Variants in GAN observed in about 807,000 individuals in gnomAD.
GAN encodes the protein epididymis secretory sperm binding protein.
A neutral mutation model predicts 71.3 loss-of-function variants in GAN; 48 were observed. The observed-to-expected ratio is 0.67, with a 90% CI of 0.53 to 0.86. The LOEUF is 0.86. Among genes scored for constraint, GAN ranks in the 40% least tolerant of loss-of-function variants. The pLI is 0.00. For missense variants in GAN, 928 were observed against 770.1 expected (o/e 1.21, Z -2.43); for synonymous variants, 386 against 276.8 (o/e 1.39, Z -3.92).
At chr16:81,337,136 G>C (rs1334140624) in intron 1 of GAN, among the ~76,000 whole-genome samples, 1 of 152,138 alleles carries the variant, frequency 6.6e-6, no homozygotes, top group Non-Finnish European at 1.5e-5. Context: ...CAAAAAAGCA[G>C]TTGGAGGGCA....
chr16:81,358,275 T>G (rs1055645851), intron 5 of GAN, among the ~76,000 whole-genome samples: 1 of 152,182 alleles, frequency 6.6e-6, no homozygotes, highest in African/African-American at 2.4e-5. Context: ...TAGTCCCATC[T>G]TTGAAATTCA....
chr16:81,317,902 A>C (rs1392818763), intron 1 of GAN, among the ~76,000 whole-genome samples: 2 of 152,168 alleles, frequency 1.3e-5, no homozygotes, highest in Non-Finnish European at 2.9e-5. Context: ...AACATGAATC[A>C]GTCAATATGT....
chr16:81,327,716 G>A (rs1438815997), intron 1 of GAN, among the ~76,000 whole-genome samples: 1 of 152,206 alleles, frequency 6.6e-6, no homozygotes, highest in Non-Finnish European at 1.5e-5. Flanking sequence ...AGTATTTAAA[G>A]TGCTGCCTGT....
chr16:81,354,901 T>A, intron 3 of GAN, 146 bp downstream of exon 3: 1 of 627,236 alleles, frequency 1.6e-6, no homozygotes, highest in Non-Finnish European at 2.8e-6. Context: ...CCCTATATCA[T>A]GAAAGCAGTT....
chr16:81,343,564 G>A (rs1322092852), intron 1 of GAN, among the ~76,000 whole-genome samples: 1 of 152,022 alleles, frequency 6.6e-6, no homozygotes, highest in Non-Finnish European at 1.5e-5. Context: ...ACAAAATTTG[G>A]CAGCCTTTCA....
At chr16:81,349,695 A>G (rs901822236) in intron 1 of GAN, among the ~76,000 whole-genome samples, 8 of 152,202 alleles carry the variant, frequency 5.3e-5, no homozygotes, top group Non-Finnish European at 1.0e-4. Flanking sequence ...TTCTGTTTGT[A>G]TTCAGTCTAC....
intron 3 of GAN, among the ~76,000 whole-genome samples, chr16:81,355,294 A>C (rs1319002073): frequency 1.3e-5 from 2 of 152,164 alleles, no homozygotes; most frequent in African/African-American, 4.8e-5. Context: ...TGAAGGTCTT[A>C]AAGAATATCA....
chr16:81,367,917 C>G (rs1171712758), intron 9 of GAN, among the ~76,000 whole-genome samples: 1 of 152,090 alleles, frequency 6.6e-6, no homozygotes, highest in Non-Finnish European at 1.5e-5. Context: ...ATCGATAGAA[C>G]AAAATAACAT....
rs141418317 is a variant in GAN, at chr16:81,330,285, A to G, written c.167+15005A>G. Among the ~76,000 whole-genome samples, 59 of 152,348 alleles carry G rather than the reference A, an allele frequency of 3.9e-4. 1 individual carries two copies. In the East Asian group the frequency reaches 0.01, roughly 26 times the overall value. ...GTTTAAAACTCTAATATCTCCAGAG[A>G]CAAGGCTGATTCAGTGCTGGGGCAG... On this transcript the variant is annotated intron_variant, in intron 1 of 10. Coordinates refer to ENST00000648994, the MANE Select transcript of GAN (RefSeq NM_022041.4).
intron 1 of GAN, among the ~76,000 whole-genome samples, chr16:81,339,293 G>A (rs1909865709): frequency 6.6e-6 from 1 of 152,180 alleles, no homozygotes; most frequent in South Asian, 2.1e-4. Context: ...ATTAAAGTTT[G>A]AGAAGCACTG....
intron 1 of GAN, among the ~76,000 whole-genome samples, chr16:81,341,980 A>G (rs914597783): frequency 9.2e-5 from 14 of 152,202 alleles, no homozygotes; most frequent in Non-Finnish European, 1.5e-4. Flanking sequence ...AGGGGTTGCA[A>G]TCCTTGTCTC....
chr16:81,326,673 A>G (rs759138103), intron 1 of GAN, among the ~76,000 whole-genome samples: 6 of 152,278 alleles, frequency 3.9e-5, no homozygotes, highest in Non-Finnish European at 8.8e-5. Context: ...CCTAGAGGGC[A>G]TAACCTACTA....
intron 1 of GAN, among the ~76,000 whole-genome samples, chr16:81,349,198 C>T (rs902729691): frequency 2.6e-5 from 4 of 152,124 alleles, no homozygotes; most frequent in Non-Finnish European, 4.4e-5. Context: ...TGCCCCACCC[C>T]GACCCCGTCC....
chr16:81,354,546 C>T lies in GAN; in HGVS notation c.424C>T (p.Leu142=), dbSNP rs1035955786. 3 of 1,613,926 alleles carry T rather than the reference C, an allele frequency of 1.9e-6. No individual in the cohort carries two copies. The highest frequency in any genetic ancestry group is 2.2e-5 in the East Asian group (1 of 44,894). ...CTGTATTGGTATCCGTGACTTTGCA[C>T]TACATTACTGCCTCCATCACGTTCA... The part of the protein sequence containing the change: ...ENCIGIRDFA[L]HYCLHHVHYL... Residue 142 remains leucine, a synonymous_variant, in exon 3 of 11, where the codon CTA becomes TTA. Transcript: ENST00000648994.
At chr16:81,370,345 T>A (rs1023879429) in intron 9 of GAN, among the ~76,000 whole-genome samples, 1 of 152,224 alleles carries the variant, frequency 6.6e-6, no homozygotes, top group African/African-American at 2.4e-5. Context: ...CAACCACATC[T>A]GTTTCAGTCA....
chr16:81,386,942 T>C lies in GAN; in HGVS notation c.*9346T>C, dbSNP rs540968558. ...GCCGGGCAACAAGGGCTAAACTCCA[T>C]CTCAAAAGAAAAGAAAGAAAGGGAA... On this transcript the variant is annotated 3_prime_UTR_variant, in exon 11 of 11. Transcript: ENST00000648994. 9 of 152,224 alleles carry C rather than the reference T, an allele frequency of 5.9e-5. 1 individual carries two copies. Among genetic ancestry groups the C allele is most frequent in the African/African-American group, 2.2e-4 (9 of 41,518 alleles). The allele number at this position is 152,224 out of a possible 1,614,324, so 9.4% of individuals were successfully genotyped here.
At chr16:81,358,411 A>C (rs540435354) in intron 5 of GAN, among the ~76,000 whole-genome samples, 7 of 152,288 alleles carry the variant, frequency 4.6e-5, no homozygotes, top group African/African-American at 1.7e-4. Context: ...GTTCAAGACC[A>C]GCCTGGACAA....
intron 1 of GAN, among the ~76,000 whole-genome samples, chr16:81,346,522 G>T (rs1351160867): frequency 6.6e-6 from 1 of 152,316 alleles, no homozygotes; most frequent in East Asian, 1.9e-4. Flanking sequence ...GAACCCTATT[G>T]TGAATTGGGC....
chr16:81,343,047 G>C (rs775055760), intron 1 of GAN, among the ~76,000 whole-genome samples: 3 of 152,094 alleles, frequency 2.0e-5, no homozygotes, highest in Admixed American at 6.5e-5. Flanking sequence ...ATAAATTCCT[G>C]GACACATACA....
Sources: gnomAD v4.1 joint callset for allele counts (sites outside exome capture counted in the v4.1 genomes callset) on GRCh38, gnomAD v4.1.1 for gene constraint, MANE v1.5 for transcripts, NCBI Gene and HGNC (gene_info 2026-07-23, HGNC 2026-07-21) for gene names.